TECTB: variants seen among roughly 807,000 people sequenced by gnomAD.
TECTB encodes the protein tectorin beta, also known as beta-tectorin.
A neutral mutation model predicts 43.3 loss-of-function variants in TECTB; 45 were observed. The ratio of observed to expected loss-of-function variants is 1.04; its 90% CI spans 0.82 to 1.33. The LOEUF (loss-of-function observed/expected upper bound fraction) is 1.33. Among genes scored for constraint, TECTB ranks in the 40% most tolerant of loss-of-function variants. The pLI is 0.00. For missense variants in TECTB, 399 were observed against 404.7 expected (o/e 0.99, Z 0.12); for synonymous variants, 169 against 156.7 (o/e 1.08, Z -0.59).
At chr10:112,300,279 AAAAG>A (rs71303596) in intron 9 of TECTB, among the ~76,000 whole-genome samples, 993 of 48,344 alleles carry the variant, frequency 0.021, 23 homozygotes, top group South Asian at 0.051. Context: ...AGAAAGAAAG[AAAAG>A]AAAGAAAGAA....
intron 3 of TECTB, 71 bp downstream of exon 3, chr10:112,284,796 A>C: frequency 9.0e-6 from 12 of 1,327,046 alleles, no homozygotes; most frequent in Non-Finnish European, 1.2e-5. Context: ...GATGTCTGCC[A>C]TCTGTCCTTG....
At chr10:112,289,824 C>T (rs549654134) in intron 5 of TECTB, among the ~76,000 whole-genome samples, 16 of 152,288 alleles carry the variant, frequency 1.1e-4, no homozygotes, top group Admixed American at 2.6e-4. Context: ...TTCTGGAAGA[C>T]TCTAGGAATG....
intron 7 of TECTB, among the ~76,000 whole-genome samples, chr10:112,297,137 C>T (rs907513227): frequency 7.2e-5 from 11 of 152,134 alleles, no homozygotes; most frequent in Non-Finnish European, 1.5e-4. Flanking sequence ...TCAATGTTGG[C>T]ACCTTGACAT....
chr10:112,299,654 G>C, intron 9 of TECTB, 90 bp downstream of exon 9: 1 of 1,454,962 alleles, frequency 6.9e-7, no homozygotes, highest in Non-Finnish European at 9.6e-7. Flanking sequence ...CATTTTTACT[G>C]AATTGCCAAA....
Position 112,303,362 on chromosome 10 carries a change from A to C in TECTB, c.*50A>C, listed in dbSNP as rs766400492. On this transcript the variant is annotated 3_prime_UTR_variant, in exon 11 of 11. Transcript: ENST00000646139. ...CTCCACCCACAATAGTCCTCAGCGA[A>C]TGACAAACACATTTATTGTGCTGCC... 3 of 1,605,784 alleles carry C rather than the reference A, an allele frequency of 1.9e-6. No individual in the cohort carries two copies. In the Admixed American group the frequency reaches 5.0e-5, roughly 27 times the overall value.
At chr10:112,296,806 C>G (rs888936073) in intron 7 of TECTB, among the ~76,000 whole-genome samples, 2 of 152,138 alleles carry the variant, frequency 1.3e-5, no homozygotes, top group African/African-American at 4.8e-5. Flanking sequence ...TGAAGGTTCC[C>G]TGGGGTAACT....
chr10:112,289,461 T>C (rs1484025543), intron 5 of TECTB, among the ~76,000 whole-genome samples: 3 of 152,296 alleles, frequency 2.0e-5, no homozygotes, highest in African/African-American at 7.2e-5. Context: ...TTCTGCAATA[T>C]TGCTGTGGGG....
At position 112,284,605 on chromosome 10, in the gene TECTB, A is replaced by G; in HGVS notation, c.147A>G (p.Glu49=). 6.2e-7 allele frequency: 1 copy of G among 1,613,832 alleles called. No homozygotes were observed. The highest frequency in any genetic ancestry group is 8.5e-7 in the Non-Finnish European group (1 of 1,179,864). ...TCCCCGAGTGTCCCTATGGATGGGA[A>G]GTTCATCAGCTGGCCCTCGGAGGGC... ...TKIPECPYGW[E]VHQLALGGLC... The change falls in exon 3 of 11, where the codon GAA becomes GAG. Residue 49 remains glutamate (E), a synonymous_variant. Transcript: ENST00000646139.
At chr10:112,294,144 G>A (rs1477410701) in intron 7 of TECTB, 83 bp downstream of exon 7, 10 of 1,285,766 alleles carry the variant, frequency 7.8e-6, no homozygotes, top group Non-Finnish European at 1.1e-5. Context: ...GGAAAGCTTG[G>A]GAGGAAGAGG....
intron 7 of TECTB, among the ~76,000 whole-genome samples, chr10:112,297,606 T>C (rs1848559978): frequency 3.9e-5 from 6 of 152,172 alleles, no homozygotes; most frequent in Admixed American, 3.9e-4. Context: ...ATACCATAAA[T>C]ACAAATTTTC....
Position 112,283,634 on chromosome 10 carries a change from T to A in TECTB, c.-87-14T>A. 1 of 1,058,860 alleles carries A rather than the reference T, an allele frequency of 9.4e-7. No individual in the cohort carries two copies. The highest frequency in any genetic ancestry group is 2.5e-5 in the Admixed American group (1 of 40,086). 65.6% of individuals were successfully genotyped at this position (1,058,860 alleles called of 1,614,324 possible). The stretch of plus-strand genomic sequence containing the variant: ...TCCCTTGATTTTAACTTTTCATTCA[T>A]GTTTCTGACTTAGAATGATCGAGGC... On this transcript the variant is annotated splice_polypyrimidine_tract_variant and intron_variant, in intron 1 of 10. Coordinates refer to ENST00000646139, the MANE Select transcript of TECTB (RefSeq NM_058222.3).
At chr10:112,300,096 A>G (rs1282944388) in intron 9 of TECTB, among the ~76,000 whole-genome samples, 1 of 148,800 alleles carries the variant, frequency 6.7e-6, no homozygotes, top group Non-Finnish European at 1.5e-5. Context: ...TGGGAGGCAG[A>G]GGTTGCAGTG....
chr10:112,286,227 C>T lies in TECTB; in HGVS notation c.410+14C>T, dbSNP rs766682626. The stretch of plus-strand genomic sequence containing the variant: ...CTTTGACCAGAGGTAAGTTGCTGTG[C>T]GGCATGGAGGGCTGGCTGCCTCATG... On this transcript the variant is annotated intron_variant, in intron 4 of 10. Transcript: ENST00000646139. The T allele has an allele frequency of 3.2e-5, 52 of 1,613,968 alleles. No homozygotes were observed. The highest frequency in any genetic ancestry group is 3.3e-4 in the Middle Eastern group (2 of 6,080).
At position 112,286,146 on chromosome 10, in the gene TECTB, G is replaced by A. The variant is rs1848452355; in HGVS notation, c.343G>A (p.Val115Ile). Residue 115 changes from valine (V) to isoleucine (I), a missense_variant, in exon 4 of 11, where the codon GTC becomes ATC. Transcript: ENST00000646139. ...CACAGTGATTGTAAAAAACCAGCCT[G>A]TCAACTACTCCTTCTCCTGCACCTA... ...DTTVIVKNQPVNYSFSCTYHS... is the reference protein window; with the variant it reads ...DTTVIVKNQPINYSFSCTYHS... 6.2e-7 allele frequency: 1 copy of A among 1,614,006 alleles called. No individual in the cohort carries two copies. The highest frequency in any genetic ancestry group is 8.5e-7 in the Non-Finnish European group (1 of 1,180,000).
chr10:112,285,207 G>C (rs1168539315), intron 3 of TECTB, among the ~76,000 whole-genome samples: 1 of 152,210 alleles, frequency 6.6e-6, no homozygotes, highest in East Asian at 1.9e-4. Flanking sequence ...TTAGGAAACA[G>C]ACGCCCTCTT....
intron 5 of TECTB, among the ~76,000 whole-genome samples, chr10:112,288,005 T>C (rs538144321): frequency 2.0e-5 from 3 of 152,060 alleles, no homozygotes; most frequent in African/African-American, 7.2e-5. Flanking sequence ...AAATACAGCA[T>C]GGGCCACCAG....
At chr10:112,285,589 G>A (rs1848447465) in intron 3 of TECTB, among the ~76,000 whole-genome samples, 1 of 152,220 alleles carries the variant, frequency 6.6e-6, no homozygotes, top group Admixed American at 6.5e-5. Flanking sequence ...ATCCCCTCCA[G>A]CTCTAATATT....
Position 112,303,249 on chromosome 10 carries a change from C to G in TECTB, c.941-14C>G, listed in dbSNP as rs771784210. The G allele has an allele frequency of 1.9e-6, 3 of 1,614,072 alleles. No homozygotes were observed. The South Asian group carries it at 3.3e-5, about 18-fold the overall frequency. On this transcript the variant is annotated splice_polypyrimidine_tract_variant and intron_variant, in intron 10 of 10. Coordinates refer to ENST00000646139, the MANE Select transcript of TECTB (RefSeq NM_058222.3). ...TGTCTCTGAGTGCCATCTCCCTCCC[C>G]TTCTGGTCCACAGATGTTCTCCACC...
rs1405144433 is a variant in TECTB at position 112,303,281 on chromosome 10, T to C, written c.959T>C (p.Ile320Thr). Residue 320 changes from isoleucine to threonine, a missense_variant, in exon 11 of 11, where the codon ATC (isoleucine) becomes ACC (threonine). Ile to Thr is a moderately conservative substitution (Grantham distance 89, BLOSUM62 -1). Transcript: ENST00000646139. Reference sequence around the variant, plus strand: ...TCCACAGATGTTCTCCACCACCTCATCATGATGTTGGGGATTTGTGCCGTG... The same window carrying C: ...TCCACAGATGTTCTCCACCACCTCACCATGATGTTGGGGATTTGTGCCGTG... ...YSFSDVLHHL[I>T]MMLGICAVL The C allele has an allele frequency of 6.2e-7, 1 of 1,614,154 alleles. No individual in the cohort carries two copies. Among genetic ancestry groups the C allele is most frequent in the East Asian group, 2.2e-5 (1 of 44,880 alleles).
Sources: gnomAD v4.1 joint callset for allele counts (sites outside exome capture counted in the v4.1 genomes callset) on GRCh38, gnomAD v4.1.1 for gene constraint, MANE v1.5 for transcripts, NCBI Gene and HGNC (gene_info 2026-07-23, HGNC 2026-07-21) for gene names.